Variants in MIA2 observed in about 807,000 individuals in gnomAD.
MIA2 encodes the protein melanoma inhibitory activity protein 2.
A neutral mutation model predicts 167.8 loss-of-function variants in MIA2; 127 were observed. The observed-to-expected ratio is 0.76, with a 90% confidence interval of 0.66 to 0.88. The LOEUF (loss-of-function observed/expected upper bound fraction) is 0.88, where lower values mean the gene tolerates loss of function less well. MIA2 is among the 40% of genes least tolerant of loss of function. MIA2 has a pLI of 0.00. For synonymous variants in MIA2, 552 were observed against 541.9 expected, an observed-to-expected ratio of 1.02 and a Z score of -0.26; for missense variants, 1,690 against 1,624.7, an observed-to-expected ratio of 1.04 and a Z score of -0.69.
intron 2 of MIA2, among the ~76,000 whole-genome samples, chr14:39,237,884 C>T (rs922843471): frequency 7.9e-5 from 12 of 151,528 alleles, no homozygotes; most frequent in East Asian, 3.9e-4. Flanking sequence ...GGATTACAGG[C>T]GTGTGCCACC....
chr14:39,244,115 C>G (rs184807016), intron 3 of MIA2, among the ~76,000 whole-genome samples: 1 of 152,198 alleles, frequency 6.6e-6, no homozygotes, highest in East Asian at 1.9e-4. Flanking sequence ...GGGGGTCTTA[C>G]GCCCTACAAT....
intron 21 of MIA2, among the ~76,000 whole-genome samples, chr14:39,316,268 T>G (rs1240031520): frequency 6.6e-6 from 1 of 152,200 alleles, no homozygotes; most frequent in Non-Finnish European, 1.5e-5. Context: ...TGACTAATTA[T>G]AAGAAAGACA....
intron 6 of MIA2, among the ~76,000 whole-genome samples, chr14:39,272,905 T>A (rs553331277): frequency 1.4e-3 from 209 of 152,256 alleles, no homozygotes; most frequent in Non-Finnish European, 2.2e-3. Flanking sequence ...TTCTTTTTGA[T>A]GCTATTATAG....
chr14:39,309,758 T>A (rs1164630536), intron 18 of MIA2, among the ~76,000 whole-genome samples: 3 of 152,218 alleles, frequency 2.0e-5, no homozygotes, highest in Non-Finnish European at 4.4e-5. Flanking sequence ...TGCCTAAAGC[T>A]ACATGAGACG....
chr14:39,352,807 G>T (rs942327720), downstream of MIA2, among the ~76,000 whole-genome samples: 1 of 152,130 alleles, frequency 6.6e-6, no homozygotes, highest in East Asian at 1.9e-4. Context: ...AAGTATGTAT[G>T]CATGTAGAAT....
At chr14:39,288,800 A>C (rs911962176) in intron 9 of MIA2, among the ~76,000 whole-genome samples, 26 of 152,034 alleles carry the variant, frequency 1.7e-4, no homozygotes, top group African/African-American at 6.3e-4. Flanking sequence ...CCAGGGATAA[A>C]TACCACTTGA....
intron 2 of MIA2, among the ~76,000 whole-genome samples, chr14:39,240,345 C>T (rs867807097): frequency 1.3e-5 from 2 of 152,148 alleles, no homozygotes; most frequent in South Asian, 2.1e-4. Context: ...GAAACAGTGA[C>T]ATTTTATGAT....
chr14:39,332,456 T>A (rs752827093), intron 25 of MIA2, among the ~76,000 whole-genome samples: 1 of 152,210 alleles, frequency 6.6e-6, no homozygotes, highest in African/African-American at 2.4e-5. Context: ...TTTGTCGAAC[T>A]CATTGTCTGT....
At chr14:39,274,941 G>C (rs555704307) in intron 6 of MIA2, among the ~76,000 whole-genome samples, 23 of 150,802 alleles carry the variant, frequency 1.5e-4, no homozygotes, top group African/African-American at 5.3e-4. Context: ...CGGGCATGGT[G>C]GTGGGCACCT....
At chr14:39,239,533 CA>C (rs1409933305) in intron 2 of MIA2, among the ~76,000 whole-genome samples, 1 of 152,034 alleles carries the variant, frequency 6.6e-6, no homozygotes, top group African/African-American at 2.4e-5. Context: ...CCAGCCTGGG[CA>C]ACAGAGCAAG....
At chr14:39,297,177 T>G (rs1316691318) in intron 13 of MIA2, among the ~76,000 whole-genome samples, 2 of 151,504 alleles carry the variant, frequency 1.3e-5, no homozygotes, top group African/African-American at 2.4e-5. Flanking sequence ...CACTATAACC[T>G]CTGCTGCCCG....
intron 17 of MIA2, among the ~76,000 whole-genome samples, chr14:39,307,390 A>ATTTTTTTT (rs373046158): frequency 5.0e-4 from 34 of 67,526 alleles, no homozygotes; most frequent in African/African-American, 1.6e-3. Flanking sequence ...AGTTAAAAGA[A>ATTTTTTTT]TTTTTTTTTT....
chr14:39,380,495 G>C (rs182662761), intron 23 of MIA2, among the ~76,000 whole-genome samples: 21 of 151,936 alleles, frequency 1.4e-4, no homozygotes, highest in Middle Eastern at 3.4e-3. Flanking sequence ...GAGATAGAGA[G>C]CATCCTGGCC....
At chr14:39,271,018 T>G (rs1235506116) in intron 6 of MIA2, among the ~76,000 whole-genome samples, 1 of 152,242 alleles carries the variant, frequency 6.6e-6, no homozygotes, top group Non-Finnish European at 1.5e-5. Flanking sequence ...TTTGGTATCA[T>G]AGCTAAGAAA....
intron 24 of MIA2, 120 bp downstream of exon 24, chr14:39,321,176 C>A: frequency 1.1e-6 from 1 of 909,026 alleles, no homozygotes; most frequent in Non-Finnish European, 1.6e-6. Context: ...CTTGCACTTA[C>A]TGTAGATAAC....
chr14:39,350,322 A>G lies in MIA2; in HGVS notation c.*58A>G, dbSNP rs934813005. On this transcript the variant is annotated 3_prime_UTR_variant, in exon 29 of 29. Transcript: ENST00000640607. ...ACTGATCTCATTTTCAGTTTAAGTA[A>G]CTGCTGTTACTTAAGTGATTACACT... 1.3e-5 allele frequency: 9 copies of G among 694,006 alleles called. No homozygotes were observed. Among genetic ancestry groups the G allele is most frequent in the Admixed American group, 3.0e-5 (1 of 33,122 alleles). The allele number at this position is 694,006 out of a possible 1,614,324, so 43.0% of individuals were successfully genotyped here.
At chr14:39,272,703 C>A (rs1369756297) in intron 6 of MIA2, among the ~76,000 whole-genome samples, 1 of 152,190 alleles carries the variant, frequency 6.6e-6, no homozygotes, top group Non-Finnish European at 1.5e-5. Flanking sequence ...GGCAAGGCTG[C>A]AGTGAGCCAA....
At chr14:39,326,334 C>G (rs1338699726) in intron 24 of MIA2, among the ~76,000 whole-genome samples, 1 of 152,056 alleles carries the variant, frequency 6.6e-6, no homozygotes, top group Non-Finnish European at 1.5e-5. Flanking sequence ...AAGTATTTAT[C>G]TTTTTTATCT....
At chr14:39,341,724 G>A (rs2071904521) in intron 25 of MIA2, among the ~76,000 whole-genome samples, 1 of 152,146 alleles carries the variant, frequency 6.6e-6, no homozygotes, top group Non-Finnish European at 1.5e-5. Context: ...CATTAGTAAA[G>A]TGTAGTATGA....
Sources: allele counts gnomAD v4.1 joint callset (sites outside exome capture counted in the v4.1 genomes callset), GRCh38; gene constraint gnomAD v4.1.1; transcripts MANE v1.5; gene names NCBI Gene and HGNC (gene_info 2026-07-23, HGNC 2026-07-21).